ADGRL3: variants seen among roughly 807,000 people sequenced by gnomAD.
ADGRL3 encodes adhesion G protein-coupled receptor L3.
Under a neutral mutation model 153.5 loss-of-function variants are expected in ADGRL3, and 62 were observed. The ratio of observed to expected loss-of-function variants is 0.40; its 90% CI spans 0.33 to 0.50. The LOEUF is 0.50. Among genes scored for constraint, ADGRL3 ranks in the 20% least tolerant of loss-of-function variants. The pLI is 0.47. For missense variants in ADGRL3, 1,641 were observed against 1,859.4 expected (o/e 0.88, Z 2.16); for synonymous variants, 710 against 672.5 (o/e 1.06, Z -0.86).
intron 9 of ADGRL3, among the ~76,000 whole-genome samples, chr4:61,818,901 CAAAT>C (rs2097719117): frequency 6.6e-6 from 1 of 151,932 alleles, no homozygotes; most frequent in African/African-American, 2.4e-5. Context: ...ATTAATTAGA[CAAAT>C]AAAGAGATTT....
At chr4:61,620,754 C>T (rs535369524) in intron 5 of ADGRL3, among the ~76,000 whole-genome samples, 1 of 148,240 alleles carries the variant, frequency 6.7e-6, no homozygotes, top group Non-Finnish European at 1.5e-5. Flanking sequence ...GATTCTCCTG[C>T]CTCAGCCTCC....
At chr4:61,622,393 G>A (rs535625000) in intron 5 of ADGRL3, among the ~76,000 whole-genome samples, 170 of 152,210 alleles carry the variant, frequency 1.1e-3, no homozygotes, top group African/African-American at 3.9e-3. Context: ...AACAATGAGA[G>A]GATGAACTTT....
chr4:61,246,090 C>A (rs998428904), intron 1 of ADGRL3, among the ~76,000 whole-genome samples: 1 of 151,922 alleles, frequency 6.6e-6, no homozygotes, highest in Non-Finnish European at 1.5e-5. Flanking sequence ...TAACTATGGC[C>A]CTTTTCTACA....
chr4:61,560,292 G>T (rs1433272819), intron 4 of ADGRL3, among the ~76,000 whole-genome samples: 1 of 152,054 alleles, frequency 6.6e-6, no homozygotes, highest in Admixed American at 6.6e-5. Flanking sequence ...ATAAGATAAT[G>T]CATGTTGAGT....
chr4:61,282,888 C>T (rs148193578), intron 1 of ADGRL3, among the ~76,000 whole-genome samples: 123 of 152,074 alleles, frequency 8.1e-4, no homozygotes, highest in Non-Finnish European at 1.4e-3. Flanking sequence ...AGCATAACAG[C>T]TAGTAGTTAT....
intron 6 of ADGRL3, among the ~76,000 whole-genome samples, chr4:61,694,464 T>C (rs2095604999): frequency 6.6e-6 from 1 of 152,170 alleles, no homozygotes; most frequent in South Asian, 2.1e-4. Context: ...CATTATGCTA[T>C]AGTCTATTAA....
At chr4:61,581,225 T>A (rs1340867966) in intron 4 of ADGRL3, among the ~76,000 whole-genome samples, 5 of 151,888 alleles carry the variant, frequency 3.3e-5, no homozygotes, top group Admixed American at 3.3e-4. Context: ...ACTCCCTTTA[T>A]GGGAGTCACC....
At chr4:61,954,727 CCCA>C (rs540861656) in intron 17 of ADGRL3, among the ~76,000 whole-genome samples, 28 of 152,102 alleles carry the variant, frequency 1.8e-4, no homozygotes, top group Non-Finnish European at 2.6e-4. Flanking sequence ...CACTCCCCAT[CCCA>C]CCACCACAAG....
At chr4:61,322,463 A>G (rs1399515753) in intron 1 of ADGRL3, among the ~76,000 whole-genome samples, 1 of 152,218 alleles carries the variant, frequency 6.6e-6, no homozygotes, top group African/African-American at 2.4e-5. Context: ...CTCATCTGAG[A>G]CAAGGCAAAA....
At chr4:61,504,819 T>C (rs2098416825) in intron 3 of ADGRL3, among the ~76,000 whole-genome samples, 2 of 152,352 alleles carry the variant, frequency 1.3e-5, no homozygotes, top group East Asian at 1.9e-4. Context: ...ATAAATTTCA[T>C]TGTGTATGTG....
At chr4:61,329,700 AT>A (rs142284766) in intron 1 of ADGRL3, among the ~76,000 whole-genome samples, 18,942 of 152,114 alleles carry the variant, frequency 0.12, 1,507 homozygotes, top group Admixed American at 0.17. Flanking sequence ...AAGAAAAAAA[AT>A]ATAGTATACA....
intron 2 of ADGRL3, among the ~76,000 whole-genome samples, chr4:61,491,097 TTGCTGTCC>T (rs995748743): frequency 1.3e-5 from 2 of 152,120 alleles, no homozygotes; most frequent in African/African-American, 4.8e-5. Flanking sequence ...ATTTTTCTTC[TTGCTGTCC>T]TACTCTTTTC....
At chr4:61,564,354 A>G (rs1377289279) in intron 4 of ADGRL3, among the ~76,000 whole-genome samples, 1 of 152,068 alleles carries the variant, frequency 6.6e-6, no homozygotes, top group Non-Finnish European at 1.5e-5. Context: ...AGTTCATTGC[A>G]GCCTCGAATT....
chr4:61,388,808 C>T (rs185365883), intron 2 of ADGRL3, among the ~76,000 whole-genome samples: 27 of 152,270 alleles, frequency 1.8e-4, no homozygotes, highest in Non-Finnish European at 2.8e-4. Context: ...ACCTATCAGT[C>T]TTCCCAGTTA....
At chr4:61,380,837 G>A (rs1446017900) in intron 1 of ADGRL3, among the ~76,000 whole-genome samples, 6 of 151,928 alleles carry the variant, frequency 3.9e-5, no homozygotes, top group Non-Finnish European at 4.4e-5. Context: ...CCTTTTAAAA[G>A]ATCCCTTTTA....
intron 8 of ADGRL3, among the ~76,000 whole-genome samples, chr4:61,796,344 A>G (rs2097411581): frequency 6.6e-6 from 1 of 151,810 alleles, no homozygotes. Flanking sequence ...TTTCCACCCC[A>G]GCGTATCTGT....
chr4:61,985,643 C>A (rs565241947), intron 19 of ADGRL3, among the ~76,000 whole-genome samples: 1 of 152,018 alleles, frequency 6.6e-6, no homozygotes, highest in Non-Finnish European at 1.5e-5. Context: ...AAAAAGGGAA[C>A]GACAAGAAGA....
Position 61,851,368 on chromosome 4 carries a change from C to T in ADGRL3, c.1480+37479C>T, listed in dbSNP as rs142717233. ...TTAGGAGACCAAGGCAGGAGGATCA[C>T]TTGAGACCAGGAGTTTGAGACCTGC... On this transcript the variant is annotated intron_variant, in intron 9 of 26. Coordinates refer to ENST00000683033, the MANE Select transcript of ADGRL3 (RefSeq NM_001387552.1). Among the ~76,000 whole-genome samples, 588 of 152,118 alleles carry T rather than the reference C, an allele frequency of 3.9e-3. 1 individual carries two copies. Among genetic ancestry groups the T allele is most frequent in the African/African-American group, 0.013 (553 of 41,484 alleles).
intron 1 of ADGRL3, among the ~76,000 whole-genome samples, chr4:61,365,607 A>G (rs973739465): frequency 6.6e-6 from 1 of 152,248 alleles, no homozygotes; most frequent in African/African-American, 2.4e-5. Context: ...GGTATGCCCC[A>G]TGGCAGCCAA....
Sources: gnomAD v4.1 joint callset for allele counts (sites outside exome capture counted in the v4.1 genomes callset) on GRCh38, gnomAD v4.1.1 for gene constraint, MANE v1.5 for transcripts, NCBI Gene and HGNC (gene_info 2026-07-23, HGNC 2026-07-21) for gene names.